KCNIP4: variants seen among roughly 807,000 people sequenced by gnomAD.
The protein encoded by KCNIP4 is Kv channel-interacting protein 4.
Under a neutral mutation model 34.0 loss-of-function variants are expected in KCNIP4, and 12 were observed. The observed-to-expected ratio is 0.35, with a 90% CI of 0.23 to 0.57. The LOEUF (loss-of-function observed/expected upper bound fraction) is 0.57. Ranked by LOEUF, KCNIP4 falls within the 20% of genes least tolerant of loss-of-function variation. The pLI is 0.83. For synonymous variants in KCNIP4, 124 were observed against 102.2 expected (o/e 1.21, Z -1.29); for missense variants, 238 against 311.7 (o/e 0.76, Z 1.78).
rs906211655 is a variant in KCNIP4 at position 20,963,406 on chromosome 4, G to T, written c.62-80697C>A. ...ACTATTACAAATGATCATCCCTTTT[G>T]TGAACTATTATTATTCCTATTATAT... On this transcript the variant is annotated intron_variant, in intron 1 of 8. Transcript: ENST00000382152. Among the ~76,000 whole-genome samples the T allele has an allele frequency of 9.2e-5, 14 of 151,734 alleles. 1 individual carries two copies. Among genetic ancestry groups the T allele is most frequent in the African/African-American group, 1.7e-4 (7 of 41,344 alleles).
intron 1 of KCNIP4, among the ~76,000 whole-genome samples, chr4:21,336,104 T>C (rs1454595085): frequency 1.3e-5 from 2 of 152,178 alleles, no homozygotes; most frequent in African/African-American, 4.8e-5. Context: ...ACTATATGTA[T>C]TATTTATCAG....
At chr4:21,567,142 C>A (rs1338951735) in intron 1 of KCNIP4, among the ~76,000 whole-genome samples, 1 of 151,990 alleles carries the variant, frequency 6.6e-6, no homozygotes, top group African/African-American at 2.4e-5. Context: ...TAATTCCCTG[C>A]CCGGTATATA....
intron 1 of KCNIP4, among the ~76,000 whole-genome samples, chr4:21,428,013 G>A (rs180896884): frequency 5.9e-5 from 9 of 152,286 alleles, no homozygotes; most frequent in Non-Finnish European, 1.0e-4. Context: ...TAAGCCGCAA[G>A]AATGGAGGGT....
At chr4:21,084,080 G>C (rs7688488) in intron 1 of KCNIP4, among the ~76,000 whole-genome samples, 12,631 of 151,824 alleles carry the variant, frequency 0.083, 695 homozygotes, top group Middle Eastern at 0.14. Context: ...TGCTTCTGCT[G>C]TGGCTCCAGC....
chr4:21,204,062 C>A (rs1381573762), intron 1 of KCNIP4, among the ~76,000 whole-genome samples: 1 of 152,152 alleles, frequency 6.6e-6, no homozygotes, highest in Non-Finnish European at 1.5e-5. Flanking sequence ...TTGTTCTAAT[C>A]CTGGAATGTG....
At chr4:21,778,999 C>T (rs116397757) in intron 1 of KCNIP4, among the ~76,000 whole-genome samples, 3,675 of 150,414 alleles carry the variant, frequency 0.024, 153 homozygotes, top group African/African-American at 0.084. Context: ...TGAGTGTGCA[C>T]GTGTGTGGGC....
intron 1 of KCNIP4, among the ~76,000 whole-genome samples, chr4:21,214,058 T>TA (rs780915667): frequency 1.1e-4 from 16 of 152,218 alleles, no homozygotes; most frequent in Non-Finnish European, 1.5e-5. Flanking sequence ...AGTTTTTCCT[T>TA]ATGTAAAATG....
intron 1 of KCNIP4, among the ~76,000 whole-genome samples, chr4:21,701,626 G>C (rs1047576248): frequency 6.6e-5 from 10 of 152,104 alleles, no homozygotes; most frequent in Admixed American, 6.6e-5. Flanking sequence ...ATCTGCTTTA[G>C]ATATATTAGA....
intron 1 of KCNIP4, among the ~76,000 whole-genome samples, chr4:20,977,352 C>T (rs551780389): frequency 1.3e-5 from 2 of 152,134 alleles, no homozygotes; most frequent in Non-Finnish European, 2.9e-5. Context: ...CCAAAATGAG[C>T]TCAAACCCTG....
At chr4:21,395,344 C>T (rs1473858157) in intron 1 of KCNIP4, among the ~76,000 whole-genome samples, 1 of 152,124 alleles carries the variant, frequency 6.6e-6, no homozygotes, top group Non-Finnish European at 1.5e-5. Flanking sequence ...TATTATCATA[C>T]ATCTTTTAAT....
intron 1 of KCNIP4, among the ~76,000 whole-genome samples, chr4:21,720,252 A>G (rs1035720281): frequency 3.9e-5 from 6 of 152,200 alleles, no homozygotes; most frequent in East Asian, 1.9e-4. Context: ...AGAGTTTTCC[A>G]TCATAAGTAC....
chr4:21,920,538 C>T (rs191076814), intron 1 of KCNIP4, among the ~76,000 whole-genome samples: 1 of 152,164 alleles, frequency 6.6e-6, no homozygotes, highest in Non-Finnish European at 1.5e-5. Flanking sequence ...TGGTGAAGAG[C>T]ACACTGAAGT....
intron 1 of KCNIP4, among the ~76,000 whole-genome samples, chr4:21,752,661 G>T (rs1717233432): frequency 6.6e-6 from 1 of 152,144 alleles, no homozygotes; most frequent in South Asian, 2.1e-4. Context: ...AGGTCAGAGG[G>T]TTGGGACTGA....
At chr4:20,871,785 G>A (rs6447991) in intron 2 of KCNIP4, among the ~76,000 whole-genome samples, 17,032 of 152,108 alleles carry the variant, frequency 0.11, 1,289 homozygotes, top group Middle Eastern at 0.17. Context: ...TCCAGGGGCA[G>A]CTTGCATGTA....
chr4:20,852,233 T>G (rs1479178558), intron 2 of KCNIP4, among the ~76,000 whole-genome samples: 4 of 152,060 alleles, frequency 2.6e-5, no homozygotes, highest in Non-Finnish European at 4.4e-5. Flanking sequence ...CTTAACAAAA[T>G]ACTCACTAGC....
intron 1 of KCNIP4, among the ~76,000 whole-genome samples, chr4:21,450,711 C>A (rs1389349082): frequency 6.6e-6 from 1 of 152,066 alleles, no homozygotes; most frequent in African/African-American, 2.4e-5. Flanking sequence ...TTTAGATAAG[C>A]CACTTCACAC....
At chr4:20,838,303 T>G in intron 3 of KCNIP4, among the ~76,000 whole-genome samples, 1 of 152,182 alleles carries the variant, frequency 6.6e-6, no homozygotes, top group Non-Finnish European at 1.5e-5. Context: ...AGTACATCAG[T>G]TCACACTGCT....
intron 1 of KCNIP4, among the ~76,000 whole-genome samples, chr4:20,883,366 A>T (rs1560540574): frequency 6.6e-6 from 1 of 152,242 alleles, no homozygotes; most frequent in Non-Finnish European, 1.5e-5. Flanking sequence ...GAAGCCAGAC[A>T]AGCTTGTCAA....
intron 1 of KCNIP4, among the ~76,000 whole-genome samples, chr4:21,887,401 T>C (rs1726841441): frequency 1.3e-5 from 2 of 152,080 alleles, no homozygotes; most frequent in African/African-American, 4.8e-5. Flanking sequence ...CTAATCTCAT[T>C]CATGAGAGTT....
Sources: allele counts gnomAD v4.1 joint callset (sites outside exome capture counted in the v4.1 genomes callset), GRCh38; gene constraint gnomAD v4.1.1; transcripts MANE v1.5; gene names NCBI Gene and HGNC (gene_info 2026-07-23, HGNC 2026-07-21).